Variants in GPC6 observed in about 807,000 individuals in gnomAD.
GPC6 encodes the protein glypican-6.
GPC6 carries 14 observed loss-of-function variants against 55.2 expected under a neutral mutation model. The observed-to-expected ratio is 0.25, with a 90% confidence interval of 0.17 to 0.40. The LOEUF (loss-of-function observed/expected upper bound fraction) is 0.40, where lower values mean the gene tolerates loss of function less well. Among genes scored for constraint, GPC6 ranks in the 10% least tolerant of loss-of-function variants. The pLI is 1.00. For missense variants in GPC6, 641 were observed against 708.5 expected (o/e 0.90, Z 1.08); for synonymous variants, 278 against 259.6 (o/e 1.07, Z -0.68).
intron 4 of GPC6, among the ~76,000 whole-genome samples, chr13:94,220,310 C>T (rs1890346002): frequency 1.3e-5 from 2 of 152,104 alleles, no homozygotes; most frequent in Admixed American, 6.6e-5. Flanking sequence ...CACCCTTCAT[C>T]ATAGGAGTCC....
intron 1 of GPC6, among the ~76,000 whole-genome samples, chr13:93,307,710 T>C (rs1365072370): frequency 9.9e-5 from 15 of 152,228 alleles, no homozygotes. Flanking sequence ...ATGAGGTGTA[T>C]GATAAACTTT....
intron 3 of GPC6, among the ~76,000 whole-genome samples, chr13:93,933,880 C>T (rs568605868): frequency 6.6e-6 from 1 of 152,064 alleles, no homozygotes; most frequent in Non-Finnish European, 1.5e-5. Context: ...ACATCTAAAC[C>T]GCAGCCCCTT....
At chr13:93,461,123 C>T (rs1878669257) in intron 1 of GPC6, among the ~76,000 whole-genome samples, 2 of 151,920 alleles carry the variant, frequency 1.3e-5, no homozygotes, top group African/African-American at 2.4e-5. Context: ...TTGTTGTTCT[C>T]CAATTTTTTT....
chr13:93,916,112 C>A (rs370830785), intron 3 of GPC6, among the ~76,000 whole-genome samples: 1 of 152,082 alleles, frequency 6.6e-6, no homozygotes. Flanking sequence ...TTCTTGGTGG[C>A]TCACTTTGAC....
At chr13:93,939,308 T>C (rs1229913235) in intron 3 of GPC6, among the ~76,000 whole-genome samples, 8 of 150,550 alleles carry the variant, frequency 5.3e-5, no homozygotes, top group Non-Finnish European at 1.2e-4. Flanking sequence ...AGGAAAAAAA[T>C]ATAAAATTAT....
chr13:93,714,955 AG>A lies in GPC6; in HGVS notation c.320-115195del, dbSNP rs577742745. The stretch of plus-strand genomic sequence containing the variant: ...GGTAAACAAAAACTGTCATGGTGAC[AG>A]GGGTATATTTTTACTATGGAAATAC... On this transcript the variant is annotated intron_variant, in intron 2 of 8. Transcript: ENST00000377047. 3.8e-4 allele frequency among the ~76,000 whole-genome samples: 58 copies of A among 151,716 alleles called. No homozygotes were observed. In the South Asian group the frequency reaches 9.8e-3, roughly 26 times the overall value.
chr13:94,315,293 A>G (rs1876465559), intron 6 of GPC6, among the ~76,000 whole-genome samples: 1 of 152,240 alleles, frequency 6.6e-6, no homozygotes, highest in Non-Finnish European at 1.5e-5. Context: ...GGCCACACCT[A>G]TAAACAGTCC....
chr13:93,831,640 T>C (rs1384403394), intron 3 of GPC6, among the ~76,000 whole-genome samples: 1 of 152,054 alleles, frequency 6.6e-6, no homozygotes, highest in Non-Finnish European at 1.5e-5. Flanking sequence ...TGTTTCTCTA[T>C]TGCACTGTCA....
intron 4 of GPC6, among the ~76,000 whole-genome samples, chr13:94,118,486 G>A (rs1413713081): frequency 2.0e-5 from 3 of 152,022 alleles, no homozygotes; most frequent in African/African-American, 7.3e-5. Context: ...ATACAGAGAC[G>A]ATCAGGAGAG....
intron 2 of GPC6, among the ~76,000 whole-genome samples, chr13:93,740,646 T>C (rs1884169258): frequency 6.6e-6 from 1 of 152,234 alleles, no homozygotes; most frequent in African/African-American, 2.4e-5. Flanking sequence ...CTCCTGATCA[T>C]ATTTCAAAGC....
chr13:94,067,822 C>T (rs961299168), intron 4 of GPC6, among the ~76,000 whole-genome samples: 1 of 152,118 alleles, frequency 6.6e-6, no homozygotes, highest in African/African-American at 2.4e-5. Flanking sequence ...AGGGTGGAAG[C>T]AGAACTCATA....
chr13:93,696,117 GTC>G (rs1266119763), intron 2 of GPC6, among the ~76,000 whole-genome samples: 7 of 152,100 alleles, frequency 4.6e-5, no homozygotes, highest in Non-Finnish European at 7.4e-5. Flanking sequence ...TTTGAGATAA[GTC>G]TCTGCGAACA....
intron 1 of GPC6, among the ~76,000 whole-genome samples, chr13:93,492,885 G>C (rs1594210473): frequency 6.8e-6 from 1 of 146,030 alleles, no homozygotes. Context: ...CTTGATCATG[G>C]TGGATAAGCT....
intron 4 of GPC6, among the ~76,000 whole-genome samples, chr13:94,122,796 G>C (rs1886681738): frequency 6.6e-6 from 1 of 152,040 alleles, no homozygotes; most frequent in Admixed American, 6.6e-5. Flanking sequence ...ATATGAAGCA[G>C]TGTATGTTGA....
At chr13:93,992,890 A>G (rs1484515089) in intron 3 of GPC6, among the ~76,000 whole-genome samples, 1 of 152,228 alleles carries the variant, frequency 6.6e-6, no homozygotes, top group Non-Finnish European at 1.5e-5. Context: ...TGCAAGGAAC[A>G]CAAGTAGTTT....
chr13:93,260,023 T>C (rs1877087559), intron 1 of GPC6, among the ~76,000 whole-genome samples: 1 of 152,126 alleles, frequency 6.6e-6, no homozygotes, highest in African/African-American at 2.4e-5. Context: ...ATCAATGAAA[T>C]AAAAGACTTT....
chr13:94,380,349 G>A (rs533595329), intron 6 of GPC6, among the ~76,000 whole-genome samples: 3 of 152,158 alleles, frequency 2.0e-5, no homozygotes, highest in African/African-American at 7.2e-5. Flanking sequence ...TTGTGGGCAC[G>A]CCTTTAATGG....
At chr13:93,937,170 G>A (rs894348285) in intron 3 of GPC6, among the ~76,000 whole-genome samples, 10 of 152,184 alleles carry the variant, frequency 6.6e-5, no homozygotes, top group Non-Finnish European at 1.2e-4. Context: ...TTCCTGTTAC[G>A]AATTACATGG....
intron 2 of GPC6, among the ~76,000 whole-genome samples, chr13:93,816,351 A>G (rs1886847550): frequency 6.6e-6 from 1 of 152,162 alleles, no homozygotes; most frequent in African/African-American, 2.4e-5. Context: ...TATAGACAGC[A>G]CGCTGTGCTT....
Sources: gnomAD v4.1 joint callset for allele counts (sites outside exome capture counted in the v4.1 genomes callset) on GRCh38, gnomAD v4.1.1 for gene constraint, MANE v1.5 for transcripts, NCBI Gene and HGNC (gene_info 2026-07-23, HGNC 2026-07-21) for gene names.